The following AP3B1 variants were observed in gnomAD, a reference collection of about 807,000 sequenced individuals.
AP3B1 encodes adaptor related protein complex 3 subunit beta 1.
Under a neutral mutation model 132.5 loss-of-function variants are expected in AP3B1, and 61 were observed. The observed-to-expected ratio is 0.46, with a 90% CI of 0.37 to 0.57. The LOEUF (loss-of-function observed/expected upper bound fraction) is 0.57, where lower values mean the gene tolerates loss of function less well. Ranked by LOEUF, AP3B1 falls within the 20% of genes least tolerant of loss-of-function variation. The pLI, the probability that AP3B1 is intolerant of heterozygous loss-of-function variation, is 0.00. For missense variants in AP3B1, 1,120 were observed against 1,289.4 expected (o/e 0.87, Z 2.01); for synonymous variants, 388 against 438.3 (o/e 0.89, Z 1.43).
intron 13 of AP3B1, among the ~76,000 whole-genome samples, chr5:78,158,717 G>A (rs1038361501): frequency 3.7e-5 from 5 of 133,336 alleles, no homozygotes; most frequent in Non-Finnish European, 6.4e-5. Flanking sequence ...TTTTTTTTTT[G>A]AGATGTTTTG....
At chr5:78,048,188 T>C (rs996921971) in intron 22 of AP3B1, among the ~76,000 whole-genome samples, 1 of 152,238 alleles carries the variant, frequency 6.6e-6, no homozygotes, top group African/African-American at 2.4e-5. Flanking sequence ...ATTATTCCTG[T>C]GGGTTTCTGA....
chr5:78,213,375 A>T (rs1745829183), intron 7 of AP3B1, among the ~76,000 whole-genome samples: 1 of 152,224 alleles, frequency 6.6e-6, no homozygotes, highest in Non-Finnish European at 1.5e-5. Context: ...GAGCACAGAC[A>T]TGGTCCTAGT....
At chr5:78,120,572 A>C (rs1371563972) in intron 17 of AP3B1, among the ~76,000 whole-genome samples, 2 of 152,156 alleles carry the variant, frequency 1.3e-5, no homozygotes, top group South Asian at 2.1e-4. Context: ...ACTTTAAACC[A>C]ACAAAGATCA....
chr5:78,046,483 G>A (rs930208212), intron 22 of AP3B1, among the ~76,000 whole-genome samples: 1 of 152,162 alleles, frequency 6.6e-6, no homozygotes, highest in African/African-American at 2.4e-5. Context: ...GGGCTCTACA[G>A]GTCTCACGTC....
intron 24 of AP3B1, among the ~76,000 whole-genome samples, chr5:78,028,766 C>A (rs922150006): frequency 6.6e-6 from 1 of 152,152 alleles, no homozygotes; most frequent in Non-Finnish European, 1.5e-5. Context: ...ATTTCCGTTT[C>A]TTTTGTTCTA....
intron 20 of AP3B1, among the ~76,000 whole-genome samples, chr5:78,109,927 A>G (rs560809252): frequency 6.4e-4 from 97 of 152,212 alleles, no homozygotes; most frequent in African/African-American, 2.3e-3. Flanking sequence ...TCTTTGCTCA[A>G]TACTATTTTT....
intron 3 of AP3B1, among the ~76,000 whole-genome samples, chr5:78,228,852 T>C (rs980075518): frequency 6.6e-6 from 1 of 152,238 alleles, no homozygotes; most frequent in Non-Finnish European, 1.5e-5. Flanking sequence ...CCAGTAAGAA[T>C]AATGTGTGAC....
At chr5:78,070,068 C>A (rs1197639831) in intron 22 of AP3B1, among the ~76,000 whole-genome samples, 2 of 152,040 alleles carry the variant, frequency 1.3e-5, no homozygotes, top group Non-Finnish European at 2.9e-5. Flanking sequence ...TGATACTAGA[C>A]CCCTTCCTTA....
intron 22 of AP3B1, among the ~76,000 whole-genome samples, chr5:78,081,499 C>G (rs1353674370): frequency 1.3e-5 from 2 of 151,724 alleles, no homozygotes; most frequent in African/African-American, 4.8e-5. Flanking sequence ...TTAGTAGAGA[C>G]GGGGTTTCAC....
At position 78,134,149 on chromosome 5, in the gene AP3B1, C is replaced by CAAA. The variant is rs397961933; in HGVS notation, c.1651-4845_1651-4843dup. On this transcript the variant is annotated intron_variant, in intron 15 of 26. Coordinates refer to ENST00000255194, the MANE Select transcript of AP3B1 (RefSeq NM_003664.5). The stretch of plus-strand genomic sequence containing the variant: ...CCGGGCGACACAGCAAGACTCGCCT[C>CAAA]AAAAAAAAAAAAAAAAAGAAATACA... Among the ~76,000 whole-genome samples, 136 of 74,200 alleles carry CAAA rather than the reference C, an allele frequency of 1.8e-3. 4 individuals carry two copies. The highest frequency in any genetic ancestry group is 9.0e-3 in the Admixed American group (60 of 6,676). The allele number at this position is 74,200 out of a possible 152,430, so 48.7% of individuals were successfully genotyped here.
intron 22 of AP3B1, among the ~76,000 whole-genome samples, chr5:78,080,608 C>A (rs912951127): frequency 1.4e-5 from 2 of 143,094 alleles, no homozygotes; most frequent in Non-Finnish European, 3.0e-5. Context: ...GAAATACCCA[C>A]TGGGTATGCC....
At chr5:78,049,582 A>C (rs1748493591) in intron 22 of AP3B1, among the ~76,000 whole-genome samples, 2 of 152,180 alleles carry the variant, frequency 1.3e-5, no homozygotes, top group African/African-American at 4.8e-5. Context: ...CATAGCTGAC[A>C]CCTGAGGGAG....
intron 26 of AP3B1, among the ~76,000 whole-genome samples, chr5:78,006,893 G>T (rs1746420407): frequency 6.6e-6 from 1 of 152,072 alleles, no homozygotes; most frequent in Non-Finnish European, 1.5e-5. Flanking sequence ...GAAGCCTATA[G>T]GAATTCTTAA....
chr5:78,152,862 CTT>C (rs1223554683), intron 14 of AP3B1, among the ~76,000 whole-genome samples: 7 of 152,196 alleles, frequency 4.6e-5, no homozygotes, highest in South Asian at 4.2e-4. Context: ...GAAAATTCCT[CTT>C]GTTTTAGATT....
intron 7 of AP3B1, among the ~76,000 whole-genome samples, chr5:78,184,871 G>A (rs749475156): frequency 2.6e-5 from 4 of 152,150 alleles, no homozygotes; most frequent in Non-Finnish European, 5.9e-5. Context: ...AGGAAGCTGA[G>A]TAAACCCTAA....
chr5:78,082,760 G>C (rs919741682), intron 22 of AP3B1, among the ~76,000 whole-genome samples: 1 of 151,858 alleles, frequency 6.6e-6, no homozygotes, highest in Non-Finnish European at 1.5e-5. Context: ...AGGTGTTAAA[G>C]AATCACAGAT....
chr5:78,223,846 G>A (rs563764049), intron 6 of AP3B1, among the ~76,000 whole-genome samples: 19 of 152,238 alleles, frequency 1.2e-4, no homozygotes, highest in African/African-American at 4.6e-4. Flanking sequence ...TGATTCAAAC[G>A]CTATTGTTTT....
chr5:78,020,725 C>A lies in AP3B1; in HGVS notation c.2959G>T (p.Ala987Ser). Residue 987 changes from alanine to serine, a missense_variant, in exon 25 of 27, where the codon GCC (alanine) becomes TCC (serine). Ala to Ser is a moderately conservative substitution (Grantham distance 99, BLOSUM62 1). Coordinates refer to ENST00000255194, the MANE Select transcript of AP3B1 (RefSeq NM_003664.5). ...TTCTTAAAATCTTTCTCTGACATGG[C>A]CACAGGTAAAAGCAGTTCTCCAACA... ...PPVGELLLPV[A>S]MSEKDFKKEQ... The A allele has an allele frequency of 6.2e-7, 1 of 1,612,596 alleles. No individual in the cohort carries two copies. The highest frequency in any genetic ancestry group is 8.5e-7 in the Non-Finnish European group (1 of 1,179,204).
intron 24 of AP3B1, among the ~76,000 whole-genome samples, chr5:78,023,325 C>T (rs1265875199): frequency 6.6e-6 from 1 of 152,132 alleles, no homozygotes; most frequent in Non-Finnish European, 1.5e-5. Flanking sequence ...GCTTATAGTC[C>T]TAGCTACTTG....
Sources: gnomAD v4.1 joint callset for allele counts (sites outside exome capture counted in the v4.1 genomes callset) on GRCh38, gnomAD v4.1.1 for gene constraint, MANE v1.5 for transcripts, NCBI Gene and HGNC (gene_info 2026-07-23, HGNC 2026-07-21) for gene names.